The following GRHL3 variants were observed in gnomAD, a reference collection of about 807,000 sequenced individuals.
GRHL3 encodes grainyhead like transcription factor 3.
GRHL3 carries 20 observed loss-of-function variants against 70.3 expected under a neutral mutation model. That is an observed-to-expected ratio of 0.28 (90% CI 0.20 to 0.41). The LOEUF (loss-of-function observed/expected upper bound fraction) is 0.41. GRHL3 is among the 10% of genes least tolerant of loss of function. GRHL3 has a pLI of 1.00. For missense variants in GRHL3, 637 were observed against 762.3 expected (o/e 0.84, Z 1.94); for synonymous variants, 299 against 299.9 (o/e 1.00, Z 0.03).
At position 24,342,150 on chromosome 1, in the gene GRHL3, T is replaced by C. The variant is rs753097620; in HGVS notation, c.1083T>C (p.Phe361=). 4 of 1,609,386 alleles carry C rather than the reference T, an allele frequency of 2.5e-6. No individual in the cohort carries two copies. In the East Asian group the frequency reaches 8.9e-5, roughly 36 times the overall value. Residue 361 remains phenylalanine, a synonymous_variant, in exon 9 of 16, where the codon TTT becomes TTC. Transcript: ENST00000361548. The surrounding 1 kb of genome is among the most constrained non-coding windows in gnomAD (Gnocchi z 4.8). ...FIGVNCLSTD[F]SSQKGVKGVP... Reference sequence around the variant, plus strand: ...GCGTAAACTGTCTGAGCACAGACTTTTCCTCACAAAAGGGGGTGAAGGGTG... The same window carrying C: ...GCGTAAACTGTCTGAGCACAGACTTCTCCTCACAAAAGGGGGTGAAGGGTG...
At chr1:24,358,223 C>A (rs1640848452), downstream of GRHL3, 1 of 574,302 alleles carries the variant, frequency 1.7e-6, no homozygotes, top group Admixed American at 2.2e-5. Flanking sequence ...TCCCTTCAGT[C>A]TGCGGCAGGG....
intron 1 of GRHL3, among the ~76,000 whole-genome samples, chr1:24,328,178 C>T (rs551480590): frequency 1.3e-5 from 2 of 152,340 alleles, no homozygotes; most frequent in Admixed American, 1.3e-4. Flanking sequence ...AGAAAAGAGA[C>T]TAGCACAGGG....
intron 15 of GRHL3, among the ~76,000 whole-genome samples, chr1:24,360,501 ACT>A (rs1411143758): frequency 6.6e-6 from 1 of 152,170 alleles, no homozygotes; most frequent in Non-Finnish European, 1.5e-5. Flanking sequence ...CTTTTCTGAC[ACT>A]CTGACAAAAG....
intron 2 of GRHL3, among the ~76,000 whole-genome samples, chr1:24,333,135 A>G (rs1557694633): frequency 6.6e-6 from 1 of 152,352 alleles, no homozygotes; most frequent in East Asian, 1.9e-4. Context: ...TGAAGGTGAC[A>G]TTGATAATAC....
At chr1:24,347,031 A>G (rs1053623572) in intron 13 of GRHL3, among the ~76,000 whole-genome samples, 3 of 152,222 alleles carry the variant, frequency 2.0e-5, no homozygotes, top group African/African-American at 7.2e-5. Context: ...GAACAAGCCC[A>G]AACCTCTGGG....
At chr1:24,339,101 TGA>T (rs2148657886) in intron 7 of GRHL3, among the ~76,000 whole-genome samples, 1 of 152,280 alleles carries the variant, frequency 6.6e-6, no homozygotes, top group Non-Finnish European at 1.5e-5. Context: ...CCCAACATGA[TGA>T]GACTATTTGG....
rs1318878681 is a variant in GRHL3 at position 24,334,812 on chromosome 1, G to A, written c.266+106G>A. ...CATTAGGCACAGGAGGCACAGTGCT[G>A]AGGGCCCACAACACATTTTGGGATT... On this transcript the variant is annotated intron_variant, in intron 3 of 15. Transcript: ENST00000361548. This position sits in a 1 kb window ranked among gnomAD's most constrained non-coding sequence, Gnocchi z 4.3. 1.4e-5 allele frequency: 9 copies of A among 653,338 alleles called. No homozygotes were observed. Among genetic ancestry groups the A allele is most frequent in the Non-Finnish European group, 2.1e-5 (8 of 389,158 alleles). 40.5% of individuals were successfully genotyped at this position (653,338 alleles called of 1,614,324 possible).
chr1:24,337,685 G>T lies in GRHL3; in HGVS notation c.736G>T (p.Gly246Cys). 2 of 1,614,184 alleles carry T rather than the reference G, an allele frequency of 1.2e-6. No homozygotes were observed. The highest frequency in any genetic ancestry group is 1.7e-6 in the Non-Finnish European group (2 of 1,180,026). ...GSPKAIHIKSGESPMAYLNKG... is the reference protein window; with the variant it reads ...GSPKAIHIKSCESPMAYLNKG... ...CCCCAAAGCCATCCACATCAAGTCA[G>T]GCGAGTCACCCATGGCCTACCTCAA... Residue 246 changes from glycine to cysteine, a missense_variant, in exon 6 of 16, where the codon GGC (glycine) becomes TGC (cysteine). Around this residue, in one of 2 missense-constraint regions of GRHL3, gnomAD observed 387 missense variants for 513.8 expected, o/e 0.75. Transcript: ENST00000361548.
rs1640080308 is a variant in GRHL3 at position 24,342,423 on chromosome 1, C to T, written c.1206+150C>T. On this transcript the variant is annotated intron_variant, in intron 9 of 15. Coordinates refer to ENST00000361548, the MANE Select transcript of GRHL3 (RefSeq NM_198173.3). The surrounding 1 kb of genome is among the most constrained non-coding windows in gnomAD (Gnocchi z 4.8). ...CTTCCCCTCTCCTCCTCCACCCCCACTCCTCCATCTCTCTGTCTCTCTGAG... is the reference window on the plus strand; with the variant it reads ...CTTCCCCTCTCCTCCTCCACCCCCATTCCTCCATCTCTCTGTCTCTCTGAG... The T allele has an allele frequency of 1.0e-5, 7 of 679,616 alleles. No homozygotes were observed. In the South Asian group the frequency reaches 1.4e-4, roughly 13 times the overall value. The allele number at this position is 679,616 out of a possible 1,614,324, so 42.1% of individuals were successfully genotyped here.
At chr1:24,352,226 T>G (rs1640541931) in intron 15 of GRHL3, among the ~76,000 whole-genome samples, 1 of 152,170 alleles carries the variant, frequency 6.6e-6, no homozygotes, top group Admixed American at 6.5e-5. Context: ...TCTGCCTCCC[T>G]CTGAGTCCTC....
In GRHL3 at chr1:24,323,751, G is replaced by A. The variant is rs143640934; in HGVS notation, c.17+4183G>A. ...ACTCAGCTTTCCTATCTAAAATGCCGCAAATAATCCTGGCTGGCTGCCTCC... is the reference window on the plus strand; with the variant it reads ...ACTCAGCTTTCCTATCTAAAATGCCACAAATAATCCTGGCTGGCTGCCTCC... On this transcript the variant is annotated intron_variant, in intron 1 of 15. Coordinates refer to ENST00000361548, the MANE Select transcript of GRHL3 (RefSeq NM_198173.3). 3.7e-3 allele frequency among the ~76,000 whole-genome samples: 566 copies of A among 152,198 alleles called. 3 individuals carry two copies. Among genetic ancestry groups the A allele is most frequent in the African/African-American group, 0.013 (532 of 41,508 alleles).
intron 15 of GRHL3, among the ~76,000 whole-genome samples, chr1:24,352,758 T>C (rs1365569787): frequency 6.6e-6 from 1 of 152,168 alleles, no homozygotes; most frequent in Non-Finnish European, 1.5e-5. Flanking sequence ...TGGTCTCCCC[T>C]GGTCTGTTTC....
rs747933865 is a variant in GRHL3 at position 24,344,974 on chromosome 1, ACCCTCCACACCTGTGCC to A, written c.1454+61_1454+77del. Reference sequence around the variant, plus strand: ...CACACGCCTCCCTCCACACCTGTGCACCCTCCACACCTGTGCCCCCTCCACACCTGTGCCTCCGCCAC... The same window carrying A: ...CACACGCCTCCCTCCACACCTGTGCACCCTCCACACCTGTGCCTCCGCCAC... On this transcript the variant is annotated intron_variant, in intron 12 of 15. Coordinates refer to ENST00000361548, the MANE Select transcript of GRHL3 (RefSeq NM_198173.3). The A allele has an allele frequency of 0.43, 619,552 of 1,457,506 alleles. 146,188 individuals carry two copies. The highest frequency in any genetic ancestry group is 0.56 in the African/African-American group (29,372 of 52,416). 90.3% of individuals were successfully genotyped at this position (1,457,506 alleles called of 1,614,324 possible).
At chr1:24,339,620 C>A in intron 7 of GRHL3, 48 bp from the exon 8 acceptor site, 2 of 1,402,076 alleles carry the variant, frequency 1.4e-6, no homozygotes, top group Non-Finnish European at 2.0e-6. Context: ...TCAAGTGGTC[C>A]CAGATCCCTT....
Position 24,342,422 on chromosome 1 carries a change from A to T in GRHL3, c.1206+149A>T. 3.0e-6 allele frequency: 2 copies of T among 667,140 alleles called. No homozygotes were observed. Among genetic ancestry groups the T allele is most frequent in the South Asian group, 2.0e-5 (1 of 48,782 alleles). 41.3% of individuals were successfully genotyped at this position (667,140 alleles called of 1,614,324 possible). Reference sequence around the variant, plus strand: ...CCTTCCCCTCTCCTCCTCCACCCCCACTCCTCCATCTCTCTGTCTCTCTGA... The same window carrying T: ...CCTTCCCCTCTCCTCCTCCACCCCCTCTCCTCCATCTCTCTGTCTCTCTGA... On this transcript the variant is annotated intron_variant, in intron 9 of 15. Transcript: ENST00000361548. The surrounding 1 kb of genome is among the most constrained non-coding windows in gnomAD (Gnocchi z 4.8).
chr1:24,320,704 G>A (rs973733891), intron 1 of GRHL3, among the ~76,000 whole-genome samples: 1 of 152,196 alleles, frequency 6.6e-6, no homozygotes, highest in African/African-American at 2.4e-5. Context: ...AGCTCTTCAT[G>A]TTCACAGCAC....
intron 1 of GRHL3, among the ~76,000 whole-genome samples, chr1:24,328,705 A>G (rs1220003147): frequency 6.6e-6 from 1 of 152,202 alleles, no homozygotes; most frequent in African/African-American, 2.4e-5. Context: ...CAACCCCTTG[A>G]TGTCTTGCCC....
At position 24,334,427 on chromosome 1, in the gene GRHL3, G is replaced by A. The variant is rs759754593; in HGVS notation, c.205-218G>A. Among the ~76,000 whole-genome samples, 57 of 151,964 alleles carry A rather than the reference G, an allele frequency of 3.8e-4. No individual in the cohort carries two copies. Among genetic ancestry groups the A allele is most frequent in the Admixed American group, 1.4e-3 (22 of 15,256 alleles). On this transcript the variant is annotated intron_variant, in intron 2 of 15. Coordinates refer to ENST00000361548, the MANE Select transcript of GRHL3 (RefSeq NM_198173.3). This position sits in a 1 kb window ranked among gnomAD's most constrained non-coding sequence, Gnocchi z 4.3. ...AGATACGATGAGAACTCACTGTCACGAGAACAGCAGCATGGGAGTAACCAC... is the reference window on the plus strand; with the variant it reads ...AGATACGATGAGAACTCACTGTCACAAGAACAGCAGCATGGGAGTAACCAC...
intron 11 of GRHL3, among the ~76,000 whole-genome samples, chr1:24,343,638 A>C (rs1640134472): frequency 6.6e-6 from 1 of 151,952 alleles, no homozygotes; most frequent in Non-Finnish European, 1.5e-5. Context: ...TCCCTGTTAC[A>C]GCTGTCCTCC....
Sources: gnomAD v4.1 joint callset for allele counts (sites outside exome capture counted in the v4.1 genomes callset) on GRCh38, gnomAD v4.1.1 for gene constraint, gnomAD v4.1.1 regional missense constraint, Gnocchi (gnomAD v3.1) non-coding constraint, MANE v1.5 for transcripts, NCBI Gene and HGNC (gene_info 2026-07-23, HGNC 2026-07-21) for gene names.